Variants in FSTL5 observed in about 807,000 individuals in gnomAD.
The protein encoded by FSTL5 is follistatin-related protein 5.
In FSTL5, 62 loss-of-function variants were observed where a neutral mutation model predicts 89.1. That is an observed-to-expected ratio of 0.70 (90% confidence interval 0.57 to 0.86). The LOEUF is 0.86. FSTL5 is among the 40% of genes least tolerant of loss of function. The probability of loss-of-function intolerance (pLI) is 0.00; values close to 1 mark genes in which losing one functional copy is unlikely to be tolerated. For synonymous variants in FSTL5, 383 were observed against 346.2 expected (o/e 1.11, Z -1.18); for missense variants, 1,057 against 1,001.6 (o/e 1.06, Z -0.75).
At chr4:161,452,956 T>G (rs2126396221) in intron 15 of FSTL5, among the ~76,000 whole-genome samples, 1 of 152,298 alleles carries the variant, frequency 6.6e-6, no homozygotes, top group Non-Finnish European at 1.5e-5. Context: ...GTTTTTCAAA[T>G]TAGTATTAGC....
At chr4:161,643,033 T>C (rs72687599) in intron 7 of FSTL5, among the ~76,000 whole-genome samples, 1 of 152,192 alleles carries the variant, frequency 6.6e-6, no homozygotes, top group Non-Finnish European at 1.5e-5. Flanking sequence ...ATAAACATGT[T>C]GGTTTATATA....
At chr4:161,817,657 G>T (rs1159160637) in intron 4 of FSTL5, among the ~76,000 whole-genome samples, 1 of 152,130 alleles carries the variant, frequency 6.6e-6, no homozygotes, top group East Asian at 1.9e-4. Flanking sequence ...GTTTTACAGA[G>T]ATTTCAATTT....
At chr4:161,928,595 T>G (rs1017290241) in intron 3 of FSTL5, among the ~76,000 whole-genome samples, 2 of 151,802 alleles carry the variant, frequency 1.3e-5, no homozygotes, top group African/African-American at 4.8e-5. Context: ...TCTGCAATGT[T>G]TTGGATTTTT....
chr4:161,915,517 T>C (rs1208535364), intron 4 of FSTL5, among the ~76,000 whole-genome samples: 1 of 152,160 alleles, frequency 6.6e-6, no homozygotes. Flanking sequence ...TCCTATGTAT[T>C]TATAAATGGC....
At chr4:161,691,659 T>G (rs1737948534) in intron 6 of FSTL5, among the ~76,000 whole-genome samples, 2 of 152,186 alleles carry the variant, frequency 1.3e-5, no homozygotes, top group Non-Finnish European at 2.9e-5. Flanking sequence ...AAACAGTGGA[T>G]GTCGTTTCCA....
At chr4:161,494,061 T>C (rs1314235057) in intron 12 of FSTL5, among the ~76,000 whole-genome samples, 2 of 152,120 alleles carry the variant, frequency 1.3e-5, no homozygotes, top group Non-Finnish European at 2.9e-5. Context: ...AAGCACCGAT[T>C]TCTTAAATTC....
intron 10 of FSTL5, among the ~76,000 whole-genome samples, chr4:161,512,253 G>A (rs1730676223): frequency 6.6e-6 from 1 of 152,048 alleles, no homozygotes; most frequent in Non-Finnish European, 1.5e-5. Flanking sequence ...CTTACTTGGT[G>A]AGTACCAATT....
chr4:161,603,263 T>G (rs1019781823), intron 7 of FSTL5, among the ~76,000 whole-genome samples: 1 of 152,174 alleles, frequency 6.6e-6, no homozygotes, highest in Non-Finnish European at 1.5e-5. Context: ...ACACAATTTG[T>G]TTTTTGGTTT....
chr4:161,474,078 G>T (rs972683618), intron 13 of FSTL5, among the ~76,000 whole-genome samples: 1 of 151,828 alleles, frequency 6.6e-6, no homozygotes, highest in African/African-American at 2.4e-5. Context: ...TTTTTGTAAT[G>T]AAATGTTTAA....
chr4:161,702,497 T>C (rs1738430107), intron 6 of FSTL5, among the ~76,000 whole-genome samples: 1 of 152,134 alleles, frequency 6.6e-6, no homozygotes, highest in Non-Finnish European at 1.5e-5. Flanking sequence ...GGGGGTGCCA[T>C]ACCAGGGTAT....
At chr4:161,640,337 GA>G (rs1279122690) in intron 7 of FSTL5, among the ~76,000 whole-genome samples, 4 of 152,096 alleles carry the variant, frequency 2.6e-5, no homozygotes, top group African/African-American at 9.7e-5. Flanking sequence ...TGTCCCTGAA[GA>G]AGACCTGATA....
At chr4:161,536,621 ACTTTTACTTCAACAAGATT>A (rs1387567293) in intron 10 of FSTL5, among the ~76,000 whole-genome samples, 1 of 152,094 alleles carries the variant, frequency 6.6e-6, no homozygotes, top group African/African-American at 2.4e-5. Flanking sequence ...TTAAATGGGC[ACTTTTACTTCAACAAGATT>A]AAACCTTGTC....
chr4:161,807,785 T>C (rs1730014121), intron 4 of FSTL5, among the ~76,000 whole-genome samples: 1 of 152,144 alleles, frequency 6.6e-6, no homozygotes, highest in South Asian at 2.1e-4. Context: ...AAGACAGATA[T>C]GAGTATTGTC....
chr4:161,892,279 C>T lies in FSTL5; in HGVS notation c.409+28125G>A, dbSNP rs185748946. Among the ~76,000 whole-genome samples, 14 of 152,010 alleles carry T rather than the reference C, an allele frequency of 9.2e-5. No individual in the cohort carries two copies. In the East Asian group the frequency reaches 2.7e-3, roughly 29 times the overall value. On this transcript the variant is annotated intron_variant, in intron 4 of 15. Coordinates refer to ENST00000306100, the MANE Select transcript of FSTL5 (RefSeq NM_020116.5). ...TTTCATTGGCTTCCCTTCTTAGTGACAGTCCCATATAATCTAAATGCTCAT... is the reference window on the plus strand; with the variant it reads ...TTTCATTGGCTTCCCTTCTTAGTGATAGTCCCATATAATCTAAATGCTCAT...
chr4:162,043,423 C>T (rs1738048143), intron 2 of FSTL5: 1 of 152,064 alleles, frequency 6.6e-6, no homozygotes, highest in South Asian at 2.1e-4. Flanking sequence ...ATACTTTAAT[C>T]AAAAGTACTT....
chr4:162,104,156 C>T (rs1303454734), intron 2 of FSTL5, among the ~76,000 whole-genome samples: 5 of 152,234 alleles, frequency 3.3e-5, no homozygotes, highest in Non-Finnish European at 5.9e-5. Context: ...TGCTCCTGAT[C>T]CAGCGAGGCG....
chr4:161,501,757 G>T (rs887262334), intron 11 of FSTL5, among the ~76,000 whole-genome samples: 1 of 151,836 alleles, frequency 6.6e-6, no homozygotes, highest in African/African-American at 2.4e-5. Context: ...TTTAGTAGTT[G>T]TCAGCTATTA....
intron 7 of FSTL5, among the ~76,000 whole-genome samples, chr4:161,648,340 C>T (rs541377611): frequency 2.6e-5 from 4 of 152,242 alleles, no homozygotes; most frequent in Admixed American, 2.0e-4. Context: ...ATTGGAGCCC[C>T]ACAGCCTGCC....
At chr4:161,775,129 GA>G (rs1037521839) in intron 5 of FSTL5, among the ~76,000 whole-genome samples, 1 of 151,828 alleles carries the variant, frequency 6.6e-6, no homozygotes, top group Non-Finnish European at 1.5e-5. Context: ...AAATTAACCA[GA>G]AAAAAATGAA....
Sources: allele counts gnomAD v4.1 joint callset (sites outside exome capture counted in the v4.1 genomes callset), GRCh38; gene constraint gnomAD v4.1.1; transcripts MANE v1.5; gene names NCBI Gene and HGNC (gene_info 2026-07-23, HGNC 2026-07-21).